The following PCDH7 variants were observed in gnomAD, a reference collection of about 807,000 sequenced individuals.
PCDH7 encodes the protein protocadherin-7.
In PCDH7, 17 loss-of-function variants were observed where a neutral mutation model predicts 58.9. That is an observed-to-expected ratio of 0.29 (90% confidence interval 0.20 to 0.43). The LOEUF is 0.43. Ranked by LOEUF, PCDH7 falls within the 20% of genes least tolerant of loss-of-function variation. PCDH7 has a pLI of 1.00. For synonymous variants in PCDH7, 664 were observed against 616.4 expected, an observed-to-expected ratio of 1.08 and a Z score of -1.14; for missense variants, 1,274 against 1,441.0, an observed-to-expected ratio of 0.88 and a Z score of 1.88.
intron 1 of PCDH7, among the ~76,000 whole-genome samples, chr4:30,834,601 A>G (rs1167362287): frequency 1.3e-5 from 2 of 151,976 alleles, no homozygotes; most frequent in African/African-American, 4.8e-5. Flanking sequence ...TGTTGAACAG[A>G]ATTATGTTTG....
chr4:30,828,094 G>A (rs1729323147), intron 1 of PCDH7, among the ~76,000 whole-genome samples: 1 of 152,026 alleles, frequency 6.6e-6, no homozygotes, highest in South Asian at 2.1e-4. Context: ...TCTTTGTGCT[G>A]TGCATTATCA....
chr4:30,806,538 T>A (rs180975737), intron 1 of PCDH7, among the ~76,000 whole-genome samples: 550 of 151,978 alleles, frequency 3.6e-3, no homozygotes, highest in Admixed American at 5.8e-3. Context: ...ACTCCTGACC[T>A]CGTGATCCAC....
chr4:30,775,374 T>C (rs928882161), intron 1 of PCDH7, among the ~76,000 whole-genome samples: 11 of 152,218 alleles, frequency 7.2e-5, no homozygotes, highest in Admixed American at 5.9e-4. Context: ...TATATCTAAA[T>C]ATATACAACT....
At chr4:31,086,123 C>A (rs904149459) in intron 3 of PCDH7, among the ~76,000 whole-genome samples, 1 of 152,098 alleles carries the variant, frequency 6.6e-6, no homozygotes, top group African/African-American at 2.4e-5. Context: ...TTTCATTAAA[C>A]CTTTGTAGAG....
chr4:30,731,274 A>C, exon 2 of PCDH7: 1 of 377,032 alleles, frequency 2.7e-6, no homozygotes, highest in Non-Finnish European at 3.6e-6. Flanking sequence ...AGTGAAGGAT[A>C]ATATCTTTTG....
intron 3 of PCDH7, among the ~76,000 whole-genome samples, chr4:31,023,316 A>G (rs1000460095): frequency 6.6e-5 from 10 of 152,032 alleles, no homozygotes; most frequent in African/African-American, 1.9e-4. Flanking sequence ...AGACTATGAC[A>G]CTCAGATGAG....
chr4:31,137,638 T>A (rs1044150724), intron 3 of PCDH7, among the ~76,000 whole-genome samples: 2 of 152,270 alleles, frequency 1.3e-5, no homozygotes, highest in African/African-American at 4.8e-5. Context: ...ACTTCTTATT[T>A]TTTTGCAGAT....
intron 1 of PCDH7, among the ~76,000 whole-genome samples, chr4:30,895,441 G>A (rs1739278958): frequency 6.6e-6 from 1 of 152,046 alleles, no homozygotes; most frequent in Admixed American, 6.6e-5. Context: ...AGGAACATAT[G>A]ATGTATTTCT....
At chr4:30,889,157 G>C (rs867760595) in intron 1 of PCDH7, among the ~76,000 whole-genome samples, 11 of 106,592 alleles carry the variant, frequency 1.0e-4, no homozygotes, top group South Asian at 1.0e-3. Context: ...AAAAAAAAAA[G>C]CAAAAGAAAA....
chr4:31,131,014 G>A (rs1215318948), intron 3 of PCDH7, among the ~76,000 whole-genome samples: 1 of 152,112 alleles, frequency 6.6e-6, no homozygotes, highest in African/African-American at 2.4e-5. Flanking sequence ...AGATTAGGAT[G>A]CATACATTTT....
chr4:30,779,051 C>T (rs1036632529), intron 1 of PCDH7, among the ~76,000 whole-genome samples: 7 of 128,132 alleles, frequency 5.5e-5, no homozygotes, highest in Non-Finnish European at 1.1e-4. Flanking sequence ...CGGAGTCTCA[C>T]TCTGTGTCGT....
chr4:30,821,995 T>C (rs186636775), intron 1 of PCDH7, among the ~76,000 whole-genome samples: 1 of 152,220 alleles, frequency 6.6e-6, no homozygotes, highest in East Asian at 1.9e-4. Flanking sequence ...GTGAGATAAA[T>C]TGAGTTAAGC....
At chr4:30,736,253 TAGAGCAGACCAAATGTAA>T (rs1402255741), downstream of PCDH7, among the ~76,000 whole-genome samples, 4 of 152,198 alleles carry the variant, frequency 2.6e-5, no homozygotes, top group African/African-American at 9.7e-5. Context: ...GTGGAATATT[TAGAGCAGACCAAATGTAA>T]AGAGCTCTCC....
chr4:30,949,224 TA>T (rs1321598458), intron 2 of PCDH7, among the ~76,000 whole-genome samples: 3 of 152,150 alleles, frequency 2.0e-5, no homozygotes, highest in Non-Finnish European at 2.9e-5. Flanking sequence ...TCACTGTGTA[TA>T]AAAGCTTTTC....
intron 1 of PCDH7, among the ~76,000 whole-genome samples, chr4:30,906,200 A>G (rs1740898376): frequency 6.6e-6 from 1 of 152,214 alleles, no homozygotes; most frequent in Admixed American, 6.5e-5. Context: ...CCCTGAAATC[A>G]TTGATTTCAG....
At chr4:30,849,550 T>C (rs988501654) in intron 1 of PCDH7, among the ~76,000 whole-genome samples, 1 of 152,160 alleles carries the variant, frequency 6.6e-6, no homozygotes. Flanking sequence ...TGAGTTAGGT[T>C]ATTATGAATG....
Position 30,749,435 on chromosome 4 carries a change from G to A in PCDH7, c.70+24839G>A, listed in dbSNP as rs561544345. Among the ~76,000 whole-genome samples the A allele has an allele frequency of 1.1e-4, 16 of 152,186 alleles. No homozygotes were observed. The South Asian group carries it at 3.1e-3, about 30-fold the overall frequency. On this transcript the variant is annotated intron_variant, in intron 1 of 3. Transcript: ENST00000509759. Reference sequence around the variant, plus strand: ...AGGAGGAAAGATAGAACAGTCTCTGGAACTCTGAAACGCATTAAGCATCCT... The same window carrying A: ...AGGAGGAAAGATAGAACAGTCTCTGAAACTCTGAAACGCATTAAGCATCCT...
At chr4:31,046,616 A>G (rs773130354) in intron 3 of PCDH7, among the ~76,000 whole-genome samples, 73 of 152,004 alleles carry the variant, frequency 4.8e-4, no homozygotes, top group Non-Finnish European at 5.3e-4. Flanking sequence ...CAGTTTTTTA[A>G]AGCATTTCCA....
intron 1 of PCDH7, among the ~76,000 whole-genome samples, chr4:30,868,709 T>C (rs1735181528): frequency 6.6e-6 from 1 of 152,060 alleles, no homozygotes; most frequent in African/African-American, 2.4e-5. Context: ...ATAGGCCTGT[T>C]GTTTTAGAAT....
Sources: allele counts gnomAD v4.1 joint callset (sites outside exome capture counted in the v4.1 genomes callset), GRCh38; gene constraint gnomAD v4.1.1; transcripts MANE v1.5; gene names NCBI Gene and HGNC (gene_info 2026-07-23, HGNC 2026-07-21).